Variants in ADGRE3 observed in about 807,000 individuals in gnomAD.
ADGRE3 encodes adhesion G protein-coupled receptor E3, also known as EGF-like module receptor 3.
A neutral mutation model predicts 80.1 loss-of-function variants in ADGRE3; 88 were observed. That is an observed-to-expected ratio of 1.10 (90% CI 0.93 to 1.31). The LOEUF is 1.31. Among genes scored for constraint, ADGRE3 ranks in the 40% most tolerant of loss-of-function variants. The probability of loss-of-function intolerance (pLI) is 0.00; values close to 1 mark genes in which losing one functional copy is unlikely to be tolerated. For missense variants in ADGRE3, 715 were observed against 776.5 expected (o/e 0.92, Z 0.94); for synonymous variants, 281 against 294.8 (o/e 0.95, Z 0.48).
intron 9 of ADGRE3, among the ~76,000 whole-genome samples, chr19:14,642,192 T>C (rs568592487): frequency 1.3e-5 from 2 of 152,202 alleles, no homozygotes; most frequent in Non-Finnish European, 2.9e-5. Context: ...GTAAATTTTA[T>C]GTTCTGTGTA....
chr19:14,607,550 ATTATTTATTTATTTAT>A, the ADGRE3 span, among the ~76,000 whole-genome samples: 116 of 141,486 alleles, frequency 8.2e-4, 3 homozygotes, highest in South Asian at 3.8e-3. Flanking sequence ...ATTTTATTTT[ATTATTTATTTATTTAT>A]TTATTTATTT....
downstream of ADGRE3, among the ~76,000 whole-genome samples, chr19:14,615,199 C>CTTTTTTTTTTT (rs1227946914): frequency 1.1e-5 from 1 of 91,024 alleles, no homozygotes; most frequent in African/African-American, 3.7e-5. Flanking sequence ...CTACAGCTGC[C>CTTTTTTTTTTT]TTCTTTTTTT....
Position 14,619,209 on chromosome 19 carries a change from A to C in ADGRE3, c.*224T>G. The stretch of plus-strand genomic sequence containing the variant: ...TGCAGTGGTCATGCTTTGGGTTTCC[A>C]GGGACAAGCATTGACTGAATACACC... On this transcript the variant is annotated 3_prime_UTR_variant, in exon 16 of 16. Coordinates refer to ENST00000253673, the MANE Select transcript of ADGRE3 (RefSeq NM_032571.5). The C allele has an allele frequency of 3.9e-6, 2 of 518,334 alleles. No homozygotes were observed. Among genetic ancestry groups the C allele is most frequent in the Non-Finnish European group, 6.8e-6 (2 of 295,728 alleles). 32.1% of individuals were successfully genotyped at this position (518,334 alleles called of 1,614,324 possible).
chr19:14,620,113 C>T (rs1223173348), intron 15 of ADGRE3, among the ~76,000 whole-genome samples: 2 of 152,106 alleles, frequency 1.3e-5, no homozygotes, highest in African/African-American at 2.4e-5. Context: ...AACTTTATCA[C>T]GTTTCTTGGG....
chr19:14,627,252 T>C (rs928648512), intron 14 of ADGRE3, among the ~76,000 whole-genome samples: 2 of 152,176 alleles, frequency 1.3e-5, no homozygotes, highest in Admixed American at 6.6e-5. Flanking sequence ...ACACAATTGC[T>C]CCTGGTAAGA....
At chr19:14,671,848 G>A (rs1187817933) in intron 1 of ADGRE3, among the ~76,000 whole-genome samples, 2 of 151,898 alleles carry the variant, frequency 1.3e-5, no homozygotes, top group Non-Finnish European at 2.9e-5. Flanking sequence ...GTGCAGTGGT[G>A]CAATCATACC....
At position 14,674,761 on chromosome 19, in the gene ADGRE3, G is replaced by A. The variant is rs1568505348; in HGVS notation, c.10C>T (p.Pro4Ser). 6.2e-7 allele frequency: 1 copy of A among 1,613,952 alleles called. No homozygotes were observed. The highest frequency in any genetic ancestry group is 1.7e-5 in the Admixed American group (1 of 59,986). Residue 4 changes from proline (P) to serine (S), a missense_variant, in exon 1 of 16, where the codon CCA (proline) becomes TCA (serine). Physicochemically the swap from Pro to Ser is moderately conservative, Grantham distance 74. Transcript: ENST00000253673. ...TCACACATACCTGGAAGAAGCAATG[G>A]TCCCTGCATTTCTGTGGTACGGGTA... MQGPLLLPGLCFLL... is the reference protein window; with the variant it reads MQGSLLLPGLCFLL...
At chr19:14,637,313 C>T (rs1971116962) in intron 11 of ADGRE3, among the ~76,000 whole-genome samples, 1 of 152,008 alleles carries the variant, frequency 6.6e-6, no homozygotes, top group African/African-American at 2.4e-5. Flanking sequence ...CTTTAAAAGT[C>T]CCAGTCCCGA....
chr19:14,670,341 C>T (rs999903260), intron 1 of ADGRE3, among the ~76,000 whole-genome samples: 2 of 152,158 alleles, frequency 1.3e-5, no homozygotes, highest in Admixed American at 1.3e-4. Flanking sequence ...GCTGATGAGG[C>T]TGCATTTCCT....
chr19:14,654,948 C>T, intron 6 of ADGRE3, 34 bp downstream of exon 6: 1 of 1,580,812 alleles, frequency 6.3e-7, no homozygotes, highest in South Asian at 1.1e-5. Flanking sequence ...GCTAACCAGT[C>T]CCCAGGGTGT....
At chr19:14,650,010 A>C (rs1468190740) in intron 7 of ADGRE3, among the ~76,000 whole-genome samples, 22 of 96,122 alleles carry the variant, frequency 2.3e-4, no homozygotes, top group Admixed American at 3.3e-4. Context: ...CTCCCTCCCC[A>C]TCTCTCTCTT....
At position 14,623,232 on chromosome 19, in the gene ADGRE3, A is replaced by G. The variant is rs535775719; in HGVS notation, c.1920+2260T>C. Among the ~76,000 whole-genome samples the G allele has an allele frequency of 5.9e-5, 4 of 67,852 alleles. 2 individuals are homozygous for G. The highest frequency in any genetic ancestry group is 3.0e-4 in the Admixed American group (2 of 6,558). 44.5% of individuals were successfully genotyped at this position (67,852 alleles called of 152,430 possible). A position where few individuals can be genotyped will look rare whatever the true frequency, so the allele number is the denominator to read the frequency against. ...TAAGTGCCTTTAGTTTTAACAGTTCACTTTTTACAGTGCTATTTACTGAAG... is the reference window on the plus strand; with the variant it reads ...TAAGTGCCTTTAGTTTTAACAGTTCGCTTTTTACAGTGCTATTTACTGAAG... On this transcript the variant is annotated intron_variant, in intron 15 of 15. Transcript: ENST00000253673.
the ADGRE3 span, chr19:14,610,422 G>A: frequency 3.5e-6 from 2 of 566,474 alleles, no homozygotes; most frequent in East Asian, 6.2e-5. Flanking sequence ...GATGCTCAGA[G>A]CTTGGTGGTG....
chr19:14,636,088 T>TTCTTTCTTTCTTTCTTTCTTTCTTTC (rs1971056486), intron 11 of ADGRE3, among the ~76,000 whole-genome samples: 5 of 29,940 alleles, frequency 1.7e-4, no homozygotes, highest in African/African-American at 4.0e-4. Context: ...TTCCCTTTCT[T>TTCTTTCTTTCTTTCTTTCTTTCTTTC]TCTTTCTTTC....
At chr19:14,634,741 G>A (rs1970987784) in intron 11 of ADGRE3, among the ~76,000 whole-genome samples, 1 of 152,128 alleles carries the variant, frequency 6.6e-6, no homozygotes, top group Non-Finnish European at 1.5e-5. Flanking sequence ...CTTGTGATCC[G>A]AGAGATTGAA....
chr19:14,658,562 A>T lies in ADGRE3; in HGVS notation c.356-12T>A. 6.5e-7 allele frequency: 1 copy of T among 1,550,328 alleles called. No homozygotes were observed. Among genetic ancestry groups the T allele is most frequent in the Non-Finnish European group, 8.7e-7 (1 of 1,147,130 alleles). On this transcript the variant is annotated splice_polypyrimidine_tract_variant and intron_variant, in intron 4 of 15. Coordinates refer to ENST00000253673, the MANE Select transcript of ADGRE3 (RefSeq NM_032571.5). Reference sequence around the variant, plus strand: ...TGAGGAGGTGGTGTCTGCAAAAGACATCATGATGGAGTTACTATTGGAACT... The same window carrying T: ...TGAGGAGGTGGTGTCTGCAAAAGACTTCATGATGGAGTTACTATTGGAACT...
At position 14,635,925 on chromosome 19, in the gene ADGRE3, C is replaced by T. The variant is rs1971024292; in HGVS notation, c.1484+2180G>A. Among the ~76,000 whole-genome samples the T allele has an allele frequency of 2.0e-5, 3 of 151,962 alleles. No homozygotes were observed. The South Asian group carries it at 6.2e-4, about 32-fold the overall frequency. On this transcript the variant is annotated intron_variant, in intron 11 of 15. Transcript: ENST00000253673. ...CTTCCCCTTTTCAAAGAGGGAGCAC[C>T]TTTGGTTCATCCTGGAGACTTTCTT...
At chr19:14,653,945 G>T (rs1452403189) in intron 6 of ADGRE3, among the ~76,000 whole-genome samples, 31 of 52,096 alleles carry the variant, frequency 6.0e-4, no homozygotes, top group African/African-American at 2.0e-3. Context: ...CTGTGTGTGT[G>T]TTTTTTTTTT....
At chr19:14,636,887 A>G (rs893823393) in intron 11 of ADGRE3, among the ~76,000 whole-genome samples, 5 of 152,100 alleles carry the variant, frequency 3.3e-5, no homozygotes, top group African/African-American at 1.2e-4. Context: ...TGAGGTCAGG[A>G]GTTCAAGACC....
Sources: allele counts gnomAD v4.1 joint callset (sites outside exome capture counted in the v4.1 genomes callset), GRCh38; gene constraint gnomAD v4.1.1; transcripts MANE v1.5; gene names NCBI Gene and HGNC (gene_info 2026-07-23, HGNC 2026-07-21).